Variants in CDH13 observed in about 807,000 individuals in gnomAD.
The protein encoded by CDH13 is cadherin-13.
A neutral mutation model predicts 63.8 loss-of-function variants in CDH13; 24 were observed. The ratio of observed to expected loss-of-function variants is 0.38; its 90% CI spans 0.27 to 0.53. CDH13 has a LOEUF of 0.53. Ranked by LOEUF, CDH13 falls within the 20% of genes least tolerant of loss-of-function variation. The probability of loss-of-function intolerance (pLI) is 0.85; values close to 1 mark genes in which losing one functional copy is unlikely to be tolerated. For missense variants in CDH13, 1,049 were observed against 903.1 expected (o/e 1.16, Z -2.07); for synonymous variants, 503 against 355.3 (o/e 1.42, Z -4.67).
At chr16:83,319,665 T>G (rs1042761931) in intron 5 of CDH13, among the ~76,000 whole-genome samples, 1 of 152,170 alleles carries the variant, frequency 6.6e-6, no homozygotes, top group African/African-American at 2.4e-5. Context: ...GCGAGTTTCA[T>G]AAAACATCAT....
At chr16:82,962,084 G>A (rs2151344807) in intron 2 of CDH13, among the ~76,000 whole-genome samples, 1 of 152,310 alleles carries the variant, frequency 6.6e-6, no homozygotes, top group African/African-American at 2.4e-5. Flanking sequence ...AGGAGCCAGT[G>A]AATGTGAGCT....
At position 83,690,888 on chromosome 16, in the gene CDH13, A is replaced by T. The variant is rs187797147; in HGVS notation, c.1538+12427A>T. 3.7e-3 allele frequency among the ~76,000 whole-genome samples: 566 copies of T among 151,942 alleles called. 8 individuals carry two copies. Among genetic ancestry groups the T allele is most frequent in the African/African-American group, 0.013 (547 of 41,432 alleles). On this transcript the variant is annotated intron_variant, in intron 10 of 13. Transcript: ENST00000567109. ...AGGCATGCACCACCACACCCAGCTA[A>T]TTTTTGTATTTTTAATAAAGATGGG... is the stretch of plus-strand genomic sequence containing the variant.
intron 10 of CDH13, among the ~76,000 whole-genome samples, chr16:83,746,339 TCTC>T (rs1912582225): frequency 6.6e-6 from 1 of 152,230 alleles, no homozygotes; most frequent in East Asian, 1.9e-4. Flanking sequence ...CGTGTGGTCT[TCTC>T]CTTTTCTGTG....
At chr16:83,456,550 A>G (rs570499275) in intron 6 of CDH13, among the ~76,000 whole-genome samples, 1 of 152,234 alleles carries the variant, frequency 6.6e-6, no homozygotes, top group East Asian at 1.9e-4. Flanking sequence ...AAGAGCAGAT[A>G]CTTGAGCCAT....
At chr16:83,059,194 T>G (rs1234997317) in intron 3 of CDH13, among the ~76,000 whole-genome samples, 1 of 152,208 alleles carries the variant, frequency 6.6e-6, no homozygotes, top group Non-Finnish European at 1.5e-5. Flanking sequence ...TCCCAGATCC[T>G]CTGGGAACCC....
intron 7 of CDH13, among the ~76,000 whole-genome samples, chr16:83,544,144 C>T (rs1028649422): frequency 5.3e-5 from 8 of 152,186 alleles, no homozygotes; most frequent in African/African-American, 1.9e-4. Flanking sequence ...CTCCCACTCG[C>T]AGTGTCTCTG....
chr16:82,696,958 C>T (rs1056900134), intron 1 of CDH13, among the ~76,000 whole-genome samples: 2 of 152,142 alleles, frequency 1.3e-5, no homozygotes, highest in Non-Finnish European at 2.9e-5. Context: ...ACAATAGGCT[C>T]TGCATAGGAC....
At chr16:82,836,276 G>A (rs377044497) in intron 1 of CDH13, among the ~76,000 whole-genome samples, 2 of 152,206 alleles carry the variant, frequency 1.3e-5, no homozygotes, top group African/African-American at 4.8e-5. Context: ...AGCTTCCCAA[G>A]TAGCTGGGAT....
chr16:83,554,600 T>G (rs1598280730), intron 7 of CDH13, among the ~76,000 whole-genome samples: 1 of 152,046 alleles, frequency 6.6e-6, no homozygotes. Context: ...AGTCTCACAC[T>G]TGGTTGCCTG....
At chr16:83,468,043 C>G (rs921449237) in intron 6 of CDH13, among the ~76,000 whole-genome samples, 8 of 152,236 alleles carry the variant, frequency 5.3e-5, no homozygotes, top group Non-Finnish European at 1.0e-4. Flanking sequence ...GGAAGCATCT[C>G]ACAAACTGTC....
intron 6 of CDH13, among the ~76,000 whole-genome samples, chr16:83,417,469 C>A (rs1201557584): frequency 6.6e-6 from 1 of 152,188 alleles, no homozygotes; most frequent in Non-Finnish European, 1.5e-5. Context: ...ACACCACCTC[C>A]CTGGTCACCG....
intron 1 of CDH13, among the ~76,000 whole-genome samples, chr16:82,830,490 G>C (rs969190289): frequency 5.9e-5 from 9 of 152,190 alleles, no homozygotes; most frequent in Admixed American, 5.2e-4. Context: ...CAAATGGGGA[G>C]TGATACAGTG....
intron 1 of CDH13, among the ~76,000 whole-genome samples, chr16:82,754,262 C>A (rs755483449): frequency 2.0e-5 from 3 of 152,120 alleles, no homozygotes; most frequent in Non-Finnish European, 2.9e-5. Context: ...TTTAACATTC[C>A]TTGCTTCTCC....
At chr16:82,717,434 TAAAAA>T (rs5818399) in intron 1 of CDH13, among the ~76,000 whole-genome samples, 4 of 122,988 alleles carry the variant, frequency 3.3e-5, no homozygotes, top group Admixed American at 8.5e-5. Context: ...AGACTTTGCC[TAAAAA>T]AAAAAAAAAA....
chr16:82,793,265 G>A (rs1262045424), intron 1 of CDH13, among the ~76,000 whole-genome samples: 1 of 152,148 alleles, frequency 6.6e-6, no homozygotes, highest in African/African-American at 2.4e-5. Context: ...GACAAGGTGT[G>A]CAGACATTGT....
chr16:83,386,348 T>A (rs937899627), intron 6 of CDH13, among the ~76,000 whole-genome samples: 1 of 152,148 alleles, frequency 6.6e-6, no homozygotes, highest in South Asian at 2.1e-4. Flanking sequence ...TGCTGGAATG[T>A]TGGGGGCAGC....
intron 3 of CDH13, among the ~76,000 whole-genome samples, chr16:83,068,237 T>A (rs2032167797): frequency 6.6e-6 from 1 of 152,232 alleles, no homozygotes; most frequent in Non-Finnish European, 1.5e-5. Context: ...TTCTAATCAT[T>A]TTATAGGCAT....
Position 83,344,977 on chromosome 16 carries a change from T to C in CDH13, c.752T>C (p.Ile251Thr), listed in dbSNP as rs779537085. 1.9e-6 allele frequency: 3 copies of C among 1,613,978 alleles called. No individual in the cohort carries two copies. The South Asian group carries it at 3.3e-5, about 18-fold the overall frequency. Residue 251 changes from isoleucine to threonine, a missense_variant, in exon 6 of 14, where the codon ATC (isoleucine) becomes ACC (threonine). By Grantham distance (89) the Ile-to-Thr change is moderately conservative. Transcript: ENST00000567109. ...NRPIFREGPYIGHVMEGSPTG... is the reference protein window; with the variant it reads ...NRPIFREGPYTGHVMEGSPTG... ...CCGATCTTTCGGGAAGGCCCCTACATCGGCCACGTCATGGAAGGGTCACCC... is the reference window on the plus strand; with the variant it reads ...CCGATCTTTCGGGAAGGCCCCTACACCGGCCACGTCATGGAAGGGTCACCC...
intron 2 of CDH13, among the ~76,000 whole-genome samples, chr16:82,923,362 G>A (rs529758011): frequency 5.3e-5 from 8 of 152,286 alleles, no homozygotes; most frequent in African/African-American, 1.9e-4. Context: ...TTATAGTAAG[G>A]GTTCAGTACA....
Sources: gnomAD v4.1 joint callset for allele counts (sites outside exome capture counted in the v4.1 genomes callset) on GRCh38, gnomAD v4.1.1 for gene constraint, MANE v1.5 for transcripts, NCBI Gene and HGNC (gene_info 2026-07-23, HGNC 2026-07-21) for gene names.